Variants in PTPRG observed in about 807,000 individuals in gnomAD.
PTPRG encodes the protein receptor-type tyrosine-protein phosphatase gamma.
In PTPRG, 102 loss-of-function variants were observed where a neutral mutation model predicts 165.3. That is an observed-to-expected ratio of 0.62 (90% CI 0.53 to 0.73). The LOEUF (loss-of-function observed/expected upper bound fraction) is 0.73. Ranked by LOEUF, PTPRG falls within the 30% of genes least tolerant of loss-of-function variation. PTPRG has a pLI of 0.00. For missense variants in PTPRG, 1,866 were observed against 1,861.4 expected, an observed-to-expected ratio of 1.00 and a Z score of -0.05; for synonymous variants, 675 against 669.5, an observed-to-expected ratio of 1.01 and a Z score of -0.13.
chr3:61,606,973 G>T (rs1485840432), intron 1 of PTPRG, among the ~76,000 whole-genome samples: 1 of 151,458 alleles, frequency 6.6e-6, no homozygotes, highest in Non-Finnish European at 1.5e-5. Context: ...AACTGAACAG[G>T]CTCAGATGAC....
intron 2 of PTPRG, among the ~76,000 whole-genome samples, chr3:61,913,395 A>G (rs1348717590): frequency 6.6e-6 from 1 of 151,876 alleles, no homozygotes; most frequent in Non-Finnish European, 1.5e-5. Context: ...AATTTTTTGT[A>G]TTTTTAGTAG....
chr3:61,988,156 T>C (rs1205908458), intron 2 of PTPRG, among the ~76,000 whole-genome samples: 1 of 152,186 alleles, frequency 6.6e-6, no homozygotes, highest in Admixed American at 6.5e-5. Context: ...AGTCTGTTTT[T>C]AATCTTACTC....
chr3:61,894,952 C>G (rs1390707215), intron 2 of PTPRG, among the ~76,000 whole-genome samples: 4 of 152,062 alleles, frequency 2.6e-5, no homozygotes, highest in African/African-American at 7.2e-5. Flanking sequence ...CCCCATAAGT[C>G]TTTGTTGTAG....
intron 12 of PTPRG, among the ~76,000 whole-genome samples, chr3:62,206,490 C>G (rs114484485): frequency 6.6e-6 from 1 of 152,126 alleles, no homozygotes; most frequent in Non-Finnish European, 1.5e-5. Context: ...GCTGTGGAGA[C>G]CCCCTCACTG....
At chr3:61,886,150 C>T (rs114560857) in intron 2 of PTPRG, among the ~76,000 whole-genome samples, 136 of 152,200 alleles carry the variant, frequency 8.9e-4, no homozygotes, top group African/African-American at 2.8e-3. Context: ...AAGATAACTT[C>T]GCTATTCCTG....
Position 62,271,429 on chromosome 3 carries a change from T to G in PTPRG, c.3056T>G (p.Ile1019Ser), listed in dbSNP as rs766212078. The G allele has an allele frequency of 4.3e-6, 7 of 1,613,096 alleles. No homozygotes were observed. The South Asian group carries it at 6.6e-5, about 15-fold the overall frequency. ...GGTCGTCAGAATGAAAGGGTAGTGATCCAGTATCACTATACACAGTGGCCT... is the reference window on the plus strand; with the variant it reads ...GGTCGTCAGAATGAAAGGGTAGTGAGCCAGTATCACTATACACAGTGGCCT... ...PKGRQNERVV[I>S]QYHYTQWPDM... The change falls in exon 21 of 30, where the codon ATC becomes AGC. Residue 1019 changes from isoleucine (I) to serine (S), a missense_variant. Transcript: ENST00000474889. The surrounding 1 kb of genome is among the most constrained non-coding windows in gnomAD (Gnocchi z 4.1).
intron 2 of PTPRG, among the ~76,000 whole-genome samples, chr3:61,763,552 T>G (rs1258390361): frequency 6.8e-6 from 1 of 147,580 alleles, no homozygotes; most frequent in Non-Finnish European, 1.5e-5. Context: ...TTCTCCTTCG[T>G]TAGAGATGGG....
Position 62,203,707 on chromosome 3 carries a change from C to T in PTPRG, c.1912C>T (p.His638Tyr), listed in dbSNP as rs752630823. Residue 638 changes from histidine (H) to tyrosine (Y), a missense_variant, in exon 12 of 30, where the codon CAT becomes TAT. Coordinates refer to ENST00000474889, the MANE Select transcript of PTPRG (RefSeq NM_002841.4). The surrounding 1 kb of genome is among the most constrained non-coding windows in gnomAD (Gnocchi z 6.4). ...SSPNRTAEGGHQTIPGHEQDH... is the reference protein window; with the variant it reads ...SSPNRTAEGGYQTIPGHEQDH... ...TCCTAACAGGACTGCCGAGGGAGGG[C>T]ATCAGACTATACCTGGGCATGAGCA... 3.2e-6 allele frequency: 5 copies of T among 1,582,190 alleles called. No individual in the cohort carries two copies. In the East Asian group the frequency reaches 9.2e-5, roughly 29 times the overall value.
At chr3:61,877,816 T>C (rs1156605663) in intron 2 of PTPRG, among the ~76,000 whole-genome samples, 1 of 152,226 alleles carries the variant, frequency 6.6e-6, no homozygotes, top group Non-Finnish European at 1.5e-5. Context: ...CTGTGTGTGT[T>C]GTGGAATATA....
At chr3:61,756,003 G>A (rs1301898476) in intron 2 of PTPRG, among the ~76,000 whole-genome samples, 1 of 152,082 alleles carries the variant, frequency 6.6e-6, no homozygotes, top group Non-Finnish European at 1.5e-5. Context: ...AGAATGAAAA[G>A]AAAAGAGCTC....
chr3:61,630,916 C>T (rs369964769), intron 1 of PTPRG, among the ~76,000 whole-genome samples: 3 of 151,822 alleles, frequency 2.0e-5, no homozygotes, highest in African/African-American at 4.8e-5. Flanking sequence ...ATTAGCCAGG[C>T]GTTGTGGCAC....
chr3:61,961,245 A>G (rs2107642343), intron 2 of PTPRG, among the ~76,000 whole-genome samples: 1 of 152,308 alleles, frequency 6.6e-6, no homozygotes, highest in Admixed American at 6.5e-5. Context: ...ATAAGTTTCC[A>G]GAAACATGGA....
At chr3:61,934,519 A>G (rs547449749) in intron 2 of PTPRG, among the ~76,000 whole-genome samples, 1 of 152,032 alleles carries the variant, frequency 6.6e-6, no homozygotes, top group Admixed American at 6.6e-5. Flanking sequence ...TGATCTGGTG[A>G]CTATGTTGAG....
At chr3:61,653,321 CT>C (rs149611763) in intron 1 of PTPRG, among the ~76,000 whole-genome samples, 19 of 151,206 alleles carry the variant, frequency 1.3e-4, no homozygotes, top group African/African-American at 2.4e-4. Flanking sequence ...AATTATCCCC[CT>C]TTTTTTTTCC....
chr3:61,589,611 A>C (rs1700517963), intron 1 of PTPRG, among the ~76,000 whole-genome samples: 1 of 152,076 alleles, frequency 6.6e-6, no homozygotes, highest in Non-Finnish European at 1.5e-5. Flanking sequence ...TTCAGAATTC[A>C]GGTGGTTGAT....
At chr3:62,230,896 G>T (rs1700887284) in intron 13 of PTPRG, among the ~76,000 whole-genome samples, 1 of 152,214 alleles carries the variant, frequency 6.6e-6, no homozygotes, top group East Asian at 1.9e-4. Context: ...TGTGTCAAAG[G>T]TGGAAGAGTG....
At chr3:61,647,592 C>T (rs935813010) in intron 1 of PTPRG, among the ~76,000 whole-genome samples, 2 of 152,008 alleles carry the variant, frequency 1.3e-5, no homozygotes, top group Non-Finnish European at 2.9e-5. Flanking sequence ...AGATCGAGAC[C>T]ATCCTGGCTA....
At chr3:61,970,354 G>A (rs2040356154) in intron 2 of PTPRG, among the ~76,000 whole-genome samples, 1 of 151,988 alleles carries the variant, frequency 6.6e-6, no homozygotes, top group South Asian at 2.1e-4. Context: ...AAAAATCACT[G>A]ACAAAAAAAT....
intron 2 of PTPRG, among the ~76,000 whole-genome samples, chr3:61,910,304 T>C (rs2038767926): frequency 6.6e-6 from 1 of 152,220 alleles, no homozygotes; most frequent in Non-Finnish European, 1.5e-5. Context: ...CACCAAAATG[T>C]GCTCCATCAC....
Sources: gnomAD v4.1 joint callset for allele counts (sites outside exome capture counted in the v4.1 genomes callset) on GRCh38, gnomAD v4.1.1 for gene constraint, Gnocchi (gnomAD v3.1) non-coding constraint, MANE v1.5 for transcripts, NCBI Gene and HGNC (gene_info 2026-07-23, HGNC 2026-07-21) for gene names.